Variants in DPY19L4 observed in about 807,000 individuals in gnomAD.
DPY19L4 encodes probable C-mannosyltransferase DPY19L4.
DPY19L4 carries 97 observed loss-of-function variants against 102.8 expected under a neutral mutation model. The observed-to-expected ratio is 0.94, with a 90% CI of 0.80 to 1.12. The LOEUF is 1.12. DPY19L4 is among the 50% of genes most tolerant of loss of function. DPY19L4 has a pLI of 0.00. For missense variants in DPY19L4, 815 were observed against 850.4 expected (o/e 0.96, Z 0.52); for synonymous variants, 252 against 283.1 (o/e 0.89, Z 1.10).
intron 4 of DPY19L4, among the ~76,000 whole-genome samples, chr8:94,738,795 AACC>A (rs2130816973): frequency 6.6e-6 from 1 of 152,240 alleles, no homozygotes; most frequent in African/African-American, 2.4e-5. Context: ...TACAGGTGTG[AACC>A]ACTGCGCCCG....
chr8:94,759,544 T>C (rs1812315404), intron 7 of DPY19L4, among the ~76,000 whole-genome samples: 1 of 144,480 alleles, frequency 6.9e-6, no homozygotes, highest in Non-Finnish European at 1.5e-5. Context: ...TTTGCTCTTG[T>C]TGCCCAGGCT....
intron 8 of DPY19L4, among the ~76,000 whole-genome samples, chr8:94,764,681 C>CTG (rs1283759337): frequency 0.015 from 1,053 of 69,152 alleles, 16 homozygotes; most frequent in Non-Finnish European, 0.018. Context: ...GTGTGTGTGT[C>CTG]TGTGTGTGTA....
chr8:94,762,194 G>A (rs1285397137), intron 8 of DPY19L4, among the ~76,000 whole-genome samples: 1 of 152,136 alleles, frequency 6.6e-6, no homozygotes, highest in Non-Finnish European at 1.5e-5. Flanking sequence ...TCAAAAGTAG[G>A]GCCCTTCAGA....
chr8:94,745,739 T>C (rs1218396233), intron 6 of DPY19L4, among the ~76,000 whole-genome samples: 1 of 152,178 alleles, frequency 6.6e-6, no homozygotes, highest in Non-Finnish European at 1.5e-5. Flanking sequence ...GATTTATGTA[T>C]TGTAGCATTG....
intron 6 of DPY19L4, among the ~76,000 whole-genome samples, chr8:94,743,142 C>T (rs1403284283): frequency 6.6e-6 from 1 of 152,144 alleles, no homozygotes; most frequent in Non-Finnish European, 1.5e-5. Flanking sequence ...AGTCTCCTGC[C>T]TCAGCCTCCT....
chr8:94,739,581 A>G lies in DPY19L4; in HGVS notation c.465+47A>G. On this transcript the variant is annotated intron_variant, in intron 5 of 18. Coordinates refer to ENST00000414645, the MANE Select transcript of DPY19L4 (RefSeq NM_181787.3). ...CTAATATTTATTTTCTCATGTATTC[A>G]TGAATCCTCAAATTATTTAATGCCA... 1.9e-6 allele frequency: 3 copies of G among 1,601,734 alleles called. 1 individual carries two copies. The South Asian group carries it at 3.4e-5, about 18-fold the overall frequency.
chr8:94,767,035 A>C (rs1020200466), intron 11 of DPY19L4, among the ~76,000 whole-genome samples: 1 of 147,542 alleles, frequency 6.8e-6, no homozygotes, highest in Non-Finnish European at 1.5e-5. Context: ...ACGCCAGTGC[A>C]CCCCAGCCTG....
At chr8:94,773,588 G>A (rs566046106) in intron 13 of DPY19L4, among the ~76,000 whole-genome samples, 2 of 151,738 alleles carry the variant, frequency 1.3e-5, no homozygotes, top group African/African-American at 2.4e-5. Flanking sequence ...GCGCCACCAC[G>A]CCCGGCTGAT....
chr8:94,728,033 C>G (rs906832737), intron 2 of DPY19L4, among the ~76,000 whole-genome samples: 1 of 152,164 alleles, frequency 6.6e-6, no homozygotes, highest in Non-Finnish European at 1.5e-5. Context: ...GCGGTCTCTG[C>G]TTACTGCAAC....
At position 94,788,649 on chromosome 8, in the gene DPY19L4, G is replaced by A. The variant is rs528658230; in HGVS notation, c.2007+597G>A. Among the ~76,000 whole-genome samples the A allele has an allele frequency of 1.7e-3, 254 of 150,464 alleles. 1 individual carries two copies. The highest frequency in any genetic ancestry group is 3.4e-3 in the Middle Eastern group (1 of 290). ...CCACCTAAGACTGACGCACGCGCGC[G>A]CGCATGTGTCTTCCCCCCCAGCCCC... On this transcript the variant is annotated intron_variant, in intron 18 of 18. Coordinates refer to ENST00000414645, the MANE Select transcript of DPY19L4 (RefSeq NM_181787.3).
intron 14 of DPY19L4, among the ~76,000 whole-genome samples, chr8:94,779,228 A>AC (rs1395150672): frequency 6.6e-6 from 1 of 151,406 alleles, no homozygotes; most frequent in African/African-American, 2.4e-5. Flanking sequence ...TTAAAAAAAA[A>AC]AAACCAAGGC....
intron 14 of DPY19L4, among the ~76,000 whole-genome samples, chr8:94,778,673 T>A (rs760995622): frequency 2.6e-5 from 4 of 151,018 alleles, no homozygotes; most frequent in Non-Finnish European, 5.9e-5. Context: ...TTTTCTTTCT[T>A]TTTTTTTTCT....
chr8:94,764,555 G>A (rs1309318527), intron 8 of DPY19L4, among the ~76,000 whole-genome samples: 6 of 131,046 alleles, frequency 4.6e-5, no homozygotes, highest in Non-Finnish European at 7.8e-5. Flanking sequence ...TAGCCTGGGC[G>A]ACAGAGCGAG....
chr8:94,728,802 T>A (rs1325131742), intron 2 of DPY19L4, among the ~76,000 whole-genome samples: 1 of 152,192 alleles, frequency 6.6e-6, no homozygotes, highest in African/African-American at 2.4e-5. Flanking sequence ...AGATCTGGGT[T>A]TAGAATAGAA....
chr8:94,750,280 CAA>C (rs1165670409), intron 6 of DPY19L4, among the ~76,000 whole-genome samples: 2 of 152,136 alleles, frequency 1.3e-5, no homozygotes, highest in East Asian at 1.9e-4. Context: ...AAGTTGGAAA[CAA>C]AGTGTATAAC....
chr8:94,789,725 A>G (rs779893522), intron 18 of DPY19L4, 21 bp from the exon 19 acceptor site: 1 of 1,553,242 alleles, frequency 6.4e-7, no homozygotes, highest in East Asian at 2.3e-5. Context: ...TTTTAATATT[A>G]TGTTTTATAT....
In DPY19L4 at chr8:94,719,933, G is replaced by T; in HGVS notation, c.-66G>T. On this transcript the variant is annotated 5_prime_UTR_variant, in exon 1 of 19. Transcript: ENST00000414645. ...GCCCCCGGAGGCCGAGGGGTTCGGC[G>T]ACGCGGAGGGAGGGAGAGTCTGGGC... 1 of 1,451,374 alleles carries T rather than the reference G, an allele frequency of 6.9e-7. No homozygotes were observed. Among genetic ancestry groups the T allele is most frequent in the South Asian group, 1.4e-5 (1 of 72,922 alleles). The allele number at this position is 1,451,374 out of a possible 1,614,324, so 89.9% of individuals were successfully genotyped here. A position where few individuals can be genotyped will look rare whatever the true frequency, so the allele number is the denominator to read the frequency against.
At chr8:94,756,307 A>G in intron 7 of DPY19L4, 148 bp downstream of exon 7, 3 of 1,100,952 alleles carry the variant, frequency 2.7e-6, no homozygotes, top group South Asian at 1.8e-5. Context: ...ATAGTTAGGT[A>G]GTTTTCTTAC....
rs537094845 is a variant in DPY19L4 at position 94,728,963 on chromosome 8, T to C, written c.127+2522T>C. Among the ~76,000 whole-genome samples, 6 of 151,974 alleles carry C rather than the reference T, an allele frequency of 3.9e-5. No homozygotes were observed. The East Asian group carries it at 1.2e-3, about 29-fold the overall frequency. On this transcript the variant is annotated intron_variant, in intron 2 of 18. Coordinates refer to ENST00000414645, the MANE Select transcript of DPY19L4 (RefSeq NM_181787.3). ...TTGGGAAGCTGAGGCAGAGGATTGC[T>C]TGAGGTTAGGAGTTCAGGACCGTCC... is the stretch of plus-strand genomic sequence containing the variant.
Sources: allele counts gnomAD v4.1 joint callset (sites outside exome capture counted in the v4.1 genomes callset), GRCh38; gene constraint gnomAD v4.1.1; transcripts MANE v1.5; gene names NCBI Gene and HGNC (gene_info 2026-07-23, HGNC 2026-07-21).